EYS: variants seen among roughly 807,000 people sequenced by gnomAD.
EYS encodes EGF-like photoreceptor maintenance factor.
Under a neutral mutation model 282.1 loss-of-function variants are expected in EYS, and 250 were observed. That is an observed-to-expected ratio of 0.89 (90% CI 0.80 to 0.98). The LOEUF is 0.98. Among genes scored for constraint, EYS ranks in the 50% least tolerant of loss-of-function variants. The pLI, the probability that EYS is intolerant of heterozygous loss-of-function variation, is 0.00. For missense variants in EYS, 4,016 were observed against 3,709.0 expected (o/e 1.08, Z -2.15); for synonymous variants, 1,355 against 1,282.9 (o/e 1.06, Z -1.20).
chr6:64,121,329 A>G (rs528223041), intron 31 of EYS, among the ~76,000 whole-genome samples: 2 of 152,358 alleles, frequency 1.3e-5, no homozygotes, highest in African/African-American at 2.4e-5. Flanking sequence ...CAGGGAGCAG[A>G]AATTTGTAGA....
chr6:64,453,555 C>T (rs1775444024), intron 26 of EYS, among the ~76,000 whole-genome samples: 1 of 152,130 alleles, frequency 6.6e-6, no homozygotes, highest in Non-Finnish European at 1.5e-5. Context: ...GACACATGCA[C>T]ATGTATGTTT....
intron 8 of EYS, among the ~76,000 whole-genome samples, chr6:65,381,725 T>C (rs983798592): frequency 2.2e-4 from 33 of 152,062 alleles, no homozygotes; most frequent in African/African-American, 8.0e-4. Context: ...ATCTATACAA[T>C]ATATTTTCTA....
At chr6:65,094,475 C>T (rs1480374347) in intron 12 of EYS, among the ~76,000 whole-genome samples, 1 of 151,106 alleles carries the variant, frequency 6.6e-6, no homozygotes, top group Non-Finnish European at 1.5e-5. Flanking sequence ...ACAATTGAGG[C>T]CACAATACAA....
chr6:63,954,035 GGTTC>G (rs1358897367), intron 35 of EYS, among the ~76,000 whole-genome samples: 1 of 152,086 alleles, frequency 6.6e-6, no homozygotes, highest in Non-Finnish European at 1.5e-5. Context: ...TCTGCTCCCT[GGTTC>G]ATTTAGCCAT....
intron 35 of EYS, among the ~76,000 whole-genome samples, chr6:63,983,933 G>A (rs1767226879): frequency 6.6e-6 from 1 of 151,572 alleles, no homozygotes; most frequent in Non-Finnish European, 1.5e-5. Flanking sequence ...ACAGATATAG[G>A]TAATTTTGTT....
At chr6:63,986,981 C>T (rs1046023612) in intron 34 of EYS, among the ~76,000 whole-genome samples, 16 of 151,440 alleles carry the variant, frequency 1.1e-4, no homozygotes, top group African/African-American at 3.6e-4. Context: ...GGCAACCAAA[C>T]CATTTATAGA....
At chr6:65,061,530 G>A (rs764147321) in intron 12 of EYS, among the ~76,000 whole-genome samples, 1 of 151,794 alleles carries the variant, frequency 6.6e-6, no homozygotes, top group Non-Finnish European at 1.5e-5. Flanking sequence ...ACTGATGAAC[G>A]TACATTGACT....
chr6:65,557,986 G>C (rs952306328), intron 2 of EYS, among the ~76,000 whole-genome samples: 3 of 152,110 alleles, frequency 2.0e-5, no homozygotes, highest in Admixed American at 6.5e-5. Flanking sequence ...TTCATGGGTG[G>C]CCATGGGAGG....
chr6:63,920,875 G>GTCT (rs200211725), intron 35 of EYS, among the ~76,000 whole-genome samples: 2 of 151,554 alleles, frequency 1.3e-5, no homozygotes, highest in Non-Finnish European at 2.9e-5. Context: ...CCTATGGACT[G>GTCT]TCTTCTTCTT....
chr6:65,384,716 T>A (rs1331140130), intron 7 of EYS, among the ~76,000 whole-genome samples: 1 of 151,884 alleles, frequency 6.6e-6, no homozygotes, highest in Admixed American at 6.6e-5. Flanking sequence ...CTCTTAATGA[T>A]CTCTTTTGGG....
intron 41 of EYS, among the ~76,000 whole-genome samples, chr6:63,728,876 G>A (rs759268267): frequency 9.2e-5 from 14 of 152,036 alleles, no homozygotes; most frequent in Non-Finnish European, 1.6e-4. Context: ...TGATCATATG[G>A]TAAGAGCATT....
intron 2 of EYS, among the ~76,000 whole-genome samples, chr6:65,497,708 AG>A (rs1264225397): frequency 6.6e-6 from 1 of 152,094 alleles, no homozygotes; most frequent in East Asian, 1.9e-4. Flanking sequence ...CTTTGTCCAT[AG>A]GTTCTTGGAA....
chr6:63,862,225 T>G (rs950806157), intron 36 of EYS, among the ~76,000 whole-genome samples: 4 of 152,196 alleles, frequency 2.6e-5, no homozygotes, highest in African/African-American at 7.2e-5. Flanking sequence ...CTCAGAAATT[T>G]TGTATTGTGT....
At position 64,508,977 on chromosome 6, in the gene EYS, G is replaced by A. The variant is rs567823166; in HGVS notation, c.5645-69625C>T. ...CTTTAGGCAGGTTTTTGCTAACTTC[G>A]TTAAACAGATCAACAAAATATTATT... On this transcript the variant is annotated intron_variant, in intron 26 of 42. Transcript: ENST00000503581. 2.6e-5 allele frequency among the ~76,000 whole-genome samples: 4 copies of A among 151,854 alleles called. No homozygotes were observed. In the South Asian group the frequency reaches 8.3e-4, roughly 32 times the overall value.
At chr6:64,560,464 T>C (rs902694976) in intron 26 of EYS, among the ~76,000 whole-genome samples, 3 of 152,122 alleles carry the variant, frequency 2.0e-5, no homozygotes, top group Non-Finnish European at 4.4e-5. Flanking sequence ...TTCCATTATG[T>C]ATGAATTCAA....
chr6:64,512,284 G>T (rs1346111342), intron 26 of EYS, among the ~76,000 whole-genome samples: 1 of 152,036 alleles, frequency 6.6e-6, no homozygotes, highest in Non-Finnish European at 1.5e-5. Context: ...AAGCGTCACT[G>T]CAAAGCATCA....
At chr6:64,004,242 G>C (rs1768229880) in intron 33 of EYS, among the ~76,000 whole-genome samples, 1 of 151,764 alleles carries the variant, frequency 6.6e-6, no homozygotes, top group African/African-American at 2.4e-5. Flanking sequence ...TATCTACTGA[G>C]TTTTAAATGT....
intron 5 of EYS, among the ~76,000 whole-genome samples, chr6:65,469,947 C>T (rs1765149101): frequency 6.6e-6 from 1 of 152,124 alleles, no homozygotes; most frequent in Non-Finnish European, 1.5e-5. Context: ...AAGCTTCCTC[C>T]ACATGGCATT....
At chr6:65,420,783 T>C (rs1270429181) in intron 5 of EYS, among the ~76,000 whole-genome samples, 2 of 151,938 alleles carry the variant, frequency 1.3e-5, no homozygotes, top group African/African-American at 2.4e-5. Flanking sequence ...TTAGCAGTTA[T>C]GAAAACAATA....
Sources: allele counts gnomAD v4.1 joint callset (sites outside exome capture counted in the v4.1 genomes callset), GRCh38; gene constraint gnomAD v4.1.1; transcripts MANE v1.5; gene names NCBI Gene and HGNC (gene_info 2026-07-23, HGNC 2026-07-21).